HDAC4: variants seen among roughly 807,000 people sequenced by gnomAD.
HDAC4 encodes the protein histone deacetylase A.
HDAC4 carries 16 observed loss-of-function variants against 135.1 expected under a neutral mutation model. The observed-to-expected ratio is 0.12, with a 90% CI of 0.08 to 0.18. HDAC4 has a LOEUF of 0.18. Ranked by LOEUF, HDAC4 falls within the 10% of genes least tolerant of loss-of-function variation. The pLI, the probability that HDAC4 is intolerant of heterozygous loss-of-function variation, is 1.00. For missense variants in HDAC4, 1,143 were observed against 1,511.8 expected (o/e 0.76, Z 4.05); for synonymous variants, 685 against 653.4 (o/e 1.05, Z -0.74).
intron 2 of HDAC4, among the ~76,000 whole-genome samples, chr2:239,237,018 T>C (rs1230045771): frequency 6.6e-6 from 1 of 152,064 alleles, no homozygotes; most frequent in Non-Finnish European, 1.5e-5. Context: ...GAAGAGCAGC[T>C]CTTCCTCTTC....
chr2:239,199,692 G>A (rs1298037837), intron 3 of HDAC4, among the ~76,000 whole-genome samples: 4 of 151,736 alleles, frequency 2.6e-5, no homozygotes, highest in South Asian at 2.1e-4. Context: ...TGAGAGCAGC[G>A]CCCTGTTCTG....
chr2:239,125,386 C>T (rs776817794), intron 12 of HDAC4, among the ~76,000 whole-genome samples: 3 of 152,144 alleles, frequency 2.0e-5, no homozygotes, highest in Non-Finnish European at 4.4e-5. Flanking sequence ...AATGTTTCCT[C>T]GAGGACTCCC....
intron 12 of HDAC4, among the ~76,000 whole-genome samples, chr2:239,119,406 C>T (rs1047444145): frequency 6.6e-6 from 1 of 152,130 alleles, no homozygotes; most frequent in Admixed American, 6.5e-5. Flanking sequence ...GGAAAAGCAA[C>T]AGGCTAAGGA....
rs150795852 is a variant in HDAC4 at position 239,270,852 on chromosome 2, C to T, written c.23-34188G>A. ...AATATGCACAGACCTCCAAAAAACC[C>T]CAGATACAGAGTAAATTATACACTG... is the stretch of plus-strand genomic sequence containing the variant. On this transcript the variant is annotated intron_variant, in intron 2 of 26. Transcript: ENST00000543185. 2.8e-3 allele frequency among the ~76,000 whole-genome samples: 426 copies of T among 152,262 alleles called. 2 individuals carry two copies. The highest frequency in any genetic ancestry group is 9.6e-3 in the African/African-American group (399 of 41,550).
At chr2:239,277,319 A>C (rs11683046) in intron 2 of HDAC4, among the ~76,000 whole-genome samples, 30,575 of 152,130 alleles carry the variant, frequency 0.2, 3,205 homozygotes, top group Non-Finnish European at 0.22. Flanking sequence ...TTCCAAAGGC[A>C]CAAGGGTGAG....
chr2:239,228,848 T>C (rs555631632), intron 3 of HDAC4, among the ~76,000 whole-genome samples: 4 of 152,170 alleles, frequency 2.6e-5, no homozygotes, highest in Admixed American at 2.6e-4. Flanking sequence ...TTCTCTACTA[T>C]AAAGTAACAA....
chr2:239,118,378 G>C (rs1198173292), intron 12 of HDAC4, among the ~76,000 whole-genome samples: 1 of 152,218 alleles, frequency 6.6e-6, no homozygotes, highest in East Asian at 1.9e-4. Flanking sequence ...AGGCAGCGTG[G>C]GTGTCGGGGC....
intron 1 of HDAC4, among the ~76,000 whole-genome samples, chr2:239,391,055 T>C (rs757104113): frequency 6.6e-6 from 1 of 152,190 alleles, no homozygotes; most frequent in East Asian, 1.9e-4. Flanking sequence ...CGAGTCATCC[T>C]CAGGGCCAGG....
chr2:239,113,928 C>T (rs537624952), intron 13 of HDAC4, among the ~76,000 whole-genome samples: 1 of 152,216 alleles, frequency 6.6e-6, no homozygotes, highest in East Asian at 1.9e-4. Context: ...AGACAGGCCC[C>T]CCTCTGAACA....
At chr2:239,284,726 C>T (rs1182816938) in intron 2 of HDAC4, among the ~76,000 whole-genome samples, 3 of 152,136 alleles carry the variant, frequency 2.0e-5, no homozygotes, top group Non-Finnish European at 4.4e-5. Flanking sequence ...TGAGCGCCCA[C>T]GCCCCAGAGC....
intron 16 of HDAC4, among the ~76,000 whole-genome samples, chr2:239,101,161 C>T (rs2037584659): frequency 6.6e-6 from 1 of 152,174 alleles, no homozygotes; most frequent in East Asian, 1.9e-4. Context: ...GCTGTTCACT[C>T]CCTTCTCACT....
chr2:239,076,307 G>A (rs910276218), intron 22 of HDAC4, among the ~76,000 whole-genome samples: 3 of 152,236 alleles, frequency 2.0e-5, no homozygotes, highest in Non-Finnish European at 2.9e-5. Context: ...GCCATCGCTC[G>A]TGCAGCCTCC....
intron 7 of HDAC4, among the ~76,000 whole-genome samples, chr2:239,150,404 T>A (rs1413176733): frequency 6.7e-6 from 1 of 149,806 alleles, no homozygotes; most frequent in African/African-American, 2.5e-5. Context: ...CGCACACAGA[T>A]ATACAGAAAC....
chr2:239,401,220 T>C (rs1696974753), upstream of HDAC4, among the ~76,000 whole-genome samples: 1 of 151,434 alleles, frequency 6.6e-6, no homozygotes. Context: ...TGGCCGGCCT[T>C]CCATTGGCCC....
rs769681889 is a variant in HDAC4 at position 239,189,978 on chromosome 2, G to A, written c.194C>T (p.Ala65Val). The A allele has an allele frequency of 1.9e-6, 3 of 1,607,470 alleles. No individual in the cohort carries two copies. Among genetic ancestry groups the A allele is most frequent in the Non-Finnish European group, 2.5e-6 (3 of 1,179,902 alleles). ...CTGCTGCAGCTGCTGCTCCCGCAGGGCCGGCTCTGCCACAGGCAGTGAGAA... is the reference window on the plus strand; with the variant it reads ...CTGCTGCAGCTGCTGCTCCCGCAGGACCGGCTCTGCCACAGGCAGTGAGAA... ...HQFSLPVAEPALREQQLQQEL... is the reference protein window; with the variant it reads ...HQFSLPVAEPVLREQQLQQEL... Residue 65 changes from alanine (A) to valine (V), a missense_variant, in exon 4 of 27, where the codon GCC becomes GTC. Transcript: ENST00000543185.
intron 2 of HDAC4, among the ~76,000 whole-genome samples, chr2:239,350,726 T>C (rs1693086517): frequency 6.6e-6 from 1 of 152,134 alleles, no homozygotes; most frequent in Non-Finnish European, 1.5e-5. Context: ...ATGGTCTCAA[T>C]CTCTTGACCT....
chr2:239,102,487 AT>A, intron 16 of HDAC4: 1 of 426,818 alleles, frequency 2.3e-6, no homozygotes, highest in Non-Finnish European at 4.4e-6. Context: ...GGCGGGCAGC[AT>A]GCTGGCTGTG....
intron 2 of HDAC4, among the ~76,000 whole-genome samples, chr2:239,334,883 G>A (rs372002138): frequency 1.3e-5 from 2 of 152,022 alleles, no homozygotes; most frequent in African/African-American, 4.8e-5. Context: ...AAATTAGCTG[G>A]GCATGGTGGC....
rs145640804 is a variant in HDAC4 at position 239,137,308 on chromosome 2, G to A, written c.978+2376C>T. ...CAGAGGGAAAGTCCGCGGGCCTGAG[G>A]TCAGAGCATCCAGGCACGCGTGTAA... On this transcript the variant is annotated intron_variant, in intron 9 of 26. Transcript: ENST00000543185. Among the ~76,000 whole-genome samples the A allele has an allele frequency of 4.6e-3, 699 of 152,326 alleles. 3 individuals are homozygous for A. Among genetic ancestry groups the A allele is most frequent in the Admixed American group, 7.4e-3 (114 of 15,308 alleles).
Sources: gnomAD v4.1 joint callset for allele counts (sites outside exome capture counted in the v4.1 genomes callset) on GRCh38, gnomAD v4.1.1 for gene constraint, MANE v1.5 for transcripts, NCBI Gene and HGNC (gene_info 2026-07-23, HGNC 2026-07-21) for gene names.